FHIT: variants seen among roughly 807,000 people sequenced by gnomAD.
The protein encoded by FHIT is fragile histidine triad diadenosine triphosphatase, also known as bis(5'-adenosyl)-triphosphatase.
A neutral mutation model predicts 17.9 loss-of-function variants in FHIT; 19 were observed. The observed-to-expected ratio is 1.06, with a 90% CI of 0.74 to 1.56. FHIT has a LOEUF of 1.56. Ranked by LOEUF, FHIT falls within the 40% of genes most tolerant of loss-of-function variation. The probability of loss-of-function intolerance (pLI) is 0.00; values close to 1 mark genes in which losing one functional copy is unlikely to be tolerated. For synonymous variants in FHIT, 81 were observed against 69.7 expected (o/e 1.16, Z -0.81); for missense variants, 248 against 189.2 (o/e 1.31, Z -1.82).
chr3:60,127,517 T>C (rs1416013870), intron 5 of FHIT, among the ~76,000 whole-genome samples: 1 of 152,210 alleles, frequency 6.6e-6, no homozygotes, highest in Non-Finnish European at 1.5e-5. Flanking sequence ...CTCATTCATA[T>C]TCAACAAGTT....
At chr3:61,182,112 G>T (rs1232430119) in intron 2 of FHIT, among the ~76,000 whole-genome samples, 1 of 152,154 alleles carries the variant, frequency 6.6e-6, no homozygotes, top group Non-Finnish European at 1.5e-5. Flanking sequence ...GAGAAAGCTT[G>T]GTGTGGTATG....
At chr3:60,516,728 GAATA>G (rs372101452) in intron 5 of FHIT, among the ~76,000 whole-genome samples, 60 of 152,290 alleles carry the variant, frequency 3.9e-4, no homozygotes, top group African/African-American at 1.4e-3. Context: ...TATGTTAGAT[GAATA>G]AATAAAATGA....
In FHIT at chr3:60,973,629, T is replaced by C. The variant is rs574688468; in HGVS notation, c.-111+68418A>G. ...GTTACGCTCCTTGTTGATGTATTCATGCTTTTATTTTCCCTGATTTTTAAT... is the reference window on the plus strand; with the variant it reads ...GTTACGCTCCTTGTTGATGTATTCACGCTTTTATTTTCCCTGATTTTTAAT... On this transcript the variant is annotated intron_variant, in intron 3 of 9. Coordinates refer to ENST00000492590, the MANE Select transcript of FHIT (RefSeq NM_002012.4). 1.6e-4 allele frequency among the ~76,000 whole-genome samples: 24 copies of C among 152,322 alleles called. No individual in the cohort carries two copies. In the East Asian group the frequency reaches 4.6e-3, roughly 29 times the overall value.
At chr3:60,737,445 G>A (rs960134726) in intron 4 of FHIT, among the ~76,000 whole-genome samples, 4 of 152,156 alleles carry the variant, frequency 2.6e-5, no homozygotes, top group South Asian at 2.1e-4. Context: ...TTCAAATTCC[G>A]TTTACAAATA....
chr3:60,188,360 G>A (rs1702255277), intron 5 of FHIT, among the ~76,000 whole-genome samples: 1 of 152,108 alleles, frequency 6.6e-6, no homozygotes, highest in Non-Finnish European at 1.5e-5. Flanking sequence ...CGTAGATGCT[G>A]ACATGCTTCT....
At chr3:60,953,438 C>A (rs1708977426) in intron 3 of FHIT, among the ~76,000 whole-genome samples, 1 of 138,482 alleles carries the variant, frequency 7.2e-6, no homozygotes, top group Non-Finnish European at 1.6e-5. Flanking sequence ...CCAAACTATC[C>A]TACTTAAAAA....
intron 8 of FHIT, among the ~76,000 whole-genome samples, chr3:59,838,102 T>C (rs138501894): frequency 1.1e-3 from 171 of 152,226 alleles, no homozygotes; most frequent in Non-Finnish European, 2.0e-3. Context: ...ACTCTCGCTG[T>C]CCCACTCCTG....
intron 4 of FHIT, among the ~76,000 whole-genome samples, chr3:60,674,607 A>T (rs1735440): frequency 0.92 from 140,528 of 152,224 alleles, 64,926 homozygotes; most frequent in Non-Finnish European, 0.94. Flanking sequence ...TCTAGTTCAA[A>T]TTTGTCCTTA....
rs150222359 is a variant in FHIT at position 61,070,788 on chromosome 3, G to T, written c.-163-28689C>A. 4.4e-4 allele frequency among the ~76,000 whole-genome samples: 67 copies of T among 152,272 alleles called. 2 individuals are homozygous for T. In the East Asian group the frequency reaches 0.012, roughly 26 times the overall value. ...TCCATGCATCCCTAACAAGTGCCCA[G>T]TCTTACGATGGTGCAGCCCCTCATC... On this transcript the variant is annotated intron_variant, in intron 2 of 9. Coordinates refer to ENST00000492590, the MANE Select transcript of FHIT (RefSeq NM_002012.4).
chr3:60,867,047 C>T (rs1398512912), intron 3 of FHIT, among the ~76,000 whole-genome samples: 7 of 152,128 alleles, frequency 4.6e-5, no homozygotes, highest in African/African-American at 1.7e-4. Flanking sequence ...CCCTCAGCAA[C>T]ATGAGCCTAC....
At chr3:60,246,178 G>C (rs1372147802) in intron 5 of FHIT, among the ~76,000 whole-genome samples, 2 of 152,014 alleles carry the variant, frequency 1.3e-5, no homozygotes, top group Non-Finnish European at 2.9e-5. Context: ...TGGAAATGTA[G>C]AGAAAAACAA....
At chr3:60,340,272 C>T (rs148637522) in intron 5 of FHIT, among the ~76,000 whole-genome samples, 1 of 152,298 alleles carries the variant, frequency 6.6e-6, no homozygotes, top group African/African-American at 2.4e-5. Flanking sequence ...GGTAAGGTCA[C>T]ATTTTTATAT....
At chr3:60,228,605 T>G (rs549643226) in intron 5 of FHIT, among the ~76,000 whole-genome samples, 1 of 152,328 alleles carries the variant, frequency 6.6e-6, no homozygotes, top group South Asian at 2.1e-4. Context: ...AGTTTCTACA[T>G]GTATAAAATG....
At chr3:60,597,865 A>G (rs1189677810) in intron 4 of FHIT, among the ~76,000 whole-genome samples, 1 of 152,186 alleles carries the variant, frequency 6.6e-6, no homozygotes, top group Non-Finnish European at 1.5e-5. Context: ...ATATTGAGCC[A>G]GGACTCTCTG....
intron 7 of FHIT, among the ~76,000 whole-genome samples, chr3:60,002,581 C>T (rs189953348): frequency 2.0e-5 from 3 of 152,248 alleles, no homozygotes; most frequent in Admixed American, 2.0e-4. Flanking sequence ...AGAGTCTCAC[C>T]ATCCCAACAT....
intron 7 of FHIT, among the ~76,000 whole-genome samples, chr3:60,007,496 T>A (rs802779): frequency 6.6e-6 from 1 of 152,084 alleles, no homozygotes; most frequent in African/African-American, 2.4e-5. Context: ...ATTATCATCA[T>A]CATTCTCTTC....
intron 5 of FHIT, among the ~76,000 whole-genome samples, chr3:60,487,651 G>A (rs1312857669): frequency 1.3e-5 from 2 of 152,180 alleles, no homozygotes; most frequent in Non-Finnish European, 2.9e-5. Flanking sequence ...TTCCTGCAGT[G>A]CCTGACTATC....
At chr3:60,086,032 G>A (rs1703478884) in intron 5 of FHIT, among the ~76,000 whole-genome samples, 1 of 152,198 alleles carries the variant, frequency 6.6e-6, no homozygotes. Flanking sequence ...GAAAGTTCAA[G>A]ATTGGGTATC....
chr3:60,508,888 T>A (rs779725014), intron 5 of FHIT, among the ~76,000 whole-genome samples: 6 of 151,916 alleles, frequency 3.9e-5, no homozygotes, highest in South Asian at 2.1e-4. Context: ...TATTTGGTTT[T>A]AAAAAAAACT....
Sources: gnomAD v4.1 joint callset for allele counts (sites outside exome capture counted in the v4.1 genomes callset) on GRCh38, gnomAD v4.1.1 for gene constraint, MANE v1.5 for transcripts, NCBI Gene and HGNC (gene_info 2026-07-23, HGNC 2026-07-21) for gene names.